GALNT17: variants seen among roughly 807,000 people sequenced by gnomAD.
GALNT17 encodes the protein UDP-GalNAc:polypeptide N-acetylgalactosaminyltransferase-like 3.
In GALNT17, 29 loss-of-function variants were observed where a neutral mutation model predicts 63.7. That is an observed-to-expected ratio of 0.46 (90% CI 0.34 to 0.62). The LOEUF is 0.62. Among genes scored for constraint, GALNT17 ranks in the 20% least tolerant of loss-of-function variants. The pLI, the probability that GALNT17 is intolerant of heterozygous loss-of-function variation, is 0.01. For missense variants in GALNT17, 603 were observed against 799.6 expected (o/e 0.75, Z 2.97); for synonymous variants, 305 against 318.3 (o/e 0.96, Z 0.45).
chr7:71,429,861 C>T (rs1251302134), intron 5 of GALNT17, among the ~76,000 whole-genome samples: 6 of 152,194 alleles, frequency 3.9e-5, no homozygotes, highest in Non-Finnish European at 7.3e-5. Flanking sequence ...TGCCCACCAC[C>T]ACACCCAGCT....
chr7:71,378,660 G>A (rs547476691), intron 2 of GALNT17, among the ~76,000 whole-genome samples: 71 of 152,164 alleles, frequency 4.7e-4, no homozygotes, highest in African/African-American at 1.6e-3. Context: ...CCATTTATCT[G>A]CCAAGCATTC....
At position 71,560,863 on chromosome 7, in the gene GALNT17, G is replaced by A. The variant is rs183246974; in HGVS notation, c.963-10422G>A. ...CCCTGCCTGTTTGCTTACAATACTG[G>A]TGCCTGTGCCAGTGGGTATAGATTG... On this transcript the variant is annotated intron_variant, in intron 5 of 10. Transcript: ENST00000333538. Among the ~76,000 whole-genome samples the A allele has an allele frequency of 2.7e-3, 418 of 152,304 alleles. 1 individual carries two copies. Among genetic ancestry groups the A allele is most frequent in the Non-Finnish European group, 4.7e-3 (319 of 68,026 alleles).
At chr7:71,620,589 G>A (rs1274127626) in intron 6 of GALNT17, among the ~76,000 whole-genome samples, 1 of 152,170 alleles carries the variant, frequency 6.6e-6, no homozygotes, top group African/African-American at 2.4e-5. Context: ...ACAAAAAAAG[G>A]CACAAAACCT....
At chr7:71,145,789 T>A (rs73361705) in intron 1 of GALNT17, among the ~76,000 whole-genome samples, 1 of 152,144 alleles carries the variant, frequency 6.6e-6, no homozygotes, top group African/African-American at 2.4e-5. Context: ...CACTATAACC[T>A]TCACCTCCTG....
At chr7:71,300,145 C>T (rs950813083) in intron 1 of GALNT17, among the ~76,000 whole-genome samples, 55 of 152,228 alleles carry the variant, frequency 3.6e-4, no homozygotes, top group African/African-American at 1.3e-3. Context: ...TGCCTGACAC[C>T]GGAGGGGGAA....
At chr7:71,328,270 T>C (rs564359007) in intron 1 of GALNT17, among the ~76,000 whole-genome samples, 27 of 152,304 alleles carry the variant, frequency 1.8e-4, no homozygotes, top group African/African-American at 6.0e-4. Context: ...ACAATTAGTT[T>C]TGCACCAACT....
intron 1 of GALNT17, among the ~76,000 whole-genome samples, chr7:71,311,698 C>A (rs995319225): frequency 1.3e-5 from 2 of 152,092 alleles, no homozygotes; most frequent in African/African-American, 4.8e-5. Context: ...ATTTGTTATT[C>A]TTGAGATAGG....
In GALNT17 at chr7:71,150,927, T is replaced by A. The variant is rs1325489631; in HGVS notation, c.238+17887T>A. 2.1e-5 allele frequency among the ~76,000 whole-genome samples: 3 copies of A among 145,188 alleles called. No individual in the cohort carries two copies. The East Asian group carries it at 6.1e-4, about 30-fold the overall frequency. ...AGGTTGAAGTGGGAGCAGTGTGCCATGATCACACCACTGCACTCCAGCCTG... is the reference window on the plus strand; with the variant it reads ...AGGTTGAAGTGGGAGCAGTGTGCCAAGATCACACCACTGCACTCCAGCCTG... On this transcript the variant is annotated intron_variant, in intron 1 of 10. Coordinates refer to ENST00000333538, the MANE Select transcript of GALNT17 (RefSeq NM_022479.3).
chr7:71,595,696 CA>C (rs1196036596), intron 6 of GALNT17, among the ~76,000 whole-genome samples: 1 of 150,352 alleles, frequency 6.7e-6, no homozygotes, highest in Non-Finnish European at 1.5e-5. Context: ...CACACACACA[CA>C]CACACACCAT....
At chr7:71,387,709 G>A (rs1164104742) in intron 2 of GALNT17, among the ~76,000 whole-genome samples, 1 of 152,162 alleles carries the variant, frequency 6.6e-6, no homozygotes, top group Non-Finnish European at 1.5e-5. Context: ...AGGAAATGGA[G>A]GGGCTGGAGT....
chr7:71,440,308 TC>T (rs1360875287), intron 5 of GALNT17, among the ~76,000 whole-genome samples: 2 of 152,128 alleles, frequency 1.3e-5, no homozygotes, highest in African/African-American at 4.8e-5. Flanking sequence ...TAACCTTTCT[TC>T]CTTGCTCCCC....
At chr7:71,501,968 G>A (rs370078912) in intron 5 of GALNT17, among the ~76,000 whole-genome samples, 91 of 151,934 alleles carry the variant, frequency 6.0e-4, no homozygotes, top group Non-Finnish European at 1.2e-3. Context: ...TCCTAAGCCC[G>A]ACCCTTCAGC....
intron 1 of GALNT17, among the ~76,000 whole-genome samples, chr7:71,278,909 CTCTTTT>C (rs1271133990): frequency 1.3e-5 from 2 of 150,904 alleles, no homozygotes; most frequent in African/African-American, 4.9e-5. Context: ...TCTCTTTTTC[CTCTTTT>C]TCTTCTTCTT....
chr7:71,587,551 C>G (rs1789737594), intron 6 of GALNT17, among the ~76,000 whole-genome samples: 1 of 151,942 alleles, frequency 6.6e-6, no homozygotes, highest in Admixed American at 6.6e-5. Context: ...GAATATTTTT[C>G]TACTGTCTGT....
intron 10 of GALNT17, 144 bp from the exon 11 acceptor site, chr7:71,711,874 C>T (rs1584154615): frequency 1.2e-6 from 1 of 866,462 alleles, no homozygotes; most frequent in Non-Finnish European, 1.7e-6. Flanking sequence ...TTGCCTCTTT[C>T]TCTGTCTCTC....
chr7:71,536,842 G>A (rs776113038), intron 5 of GALNT17, among the ~76,000 whole-genome samples: 9 of 152,156 alleles, frequency 5.9e-5, no homozygotes, highest in African/African-American at 1.4e-4. Flanking sequence ...GCAAATGCCC[G>A]GCAAGATCTG....
intron 5 of GALNT17, among the ~76,000 whole-genome samples, chr7:71,497,351 T>C (rs1788112925): frequency 6.6e-6 from 1 of 152,184 alleles, no homozygotes; most frequent in African/African-American, 2.4e-5. Context: ...GAGATGAGCA[T>C]GCAAGCAGCG....
chr7:71,318,844 C>G (rs1378491860), intron 1 of GALNT17, among the ~76,000 whole-genome samples: 2 of 152,150 alleles, frequency 1.3e-5, no homozygotes, highest in Non-Finnish European at 2.9e-5. Flanking sequence ...CTTCTCCTCC[C>G]AAGAACAATA....
chr7:71,171,114 TAA>T (rs1675138656), intron 1 of GALNT17, among the ~76,000 whole-genome samples: 1 of 152,244 alleles, frequency 6.6e-6, no homozygotes, highest in Admixed American at 6.5e-5. Context: ...AAAGATAATT[TAA>T]GTCTCGTTAG....
Sources: gnomAD v4.1 joint callset for allele counts (sites outside exome capture counted in the v4.1 genomes callset) on GRCh38, gnomAD v4.1.1 for gene constraint, MANE v1.5 for transcripts, NCBI Gene and HGNC (gene_info 2026-07-23, HGNC 2026-07-21) for gene names.